CDKAL1: variants seen among roughly 807,000 people sequenced by gnomAD.
CDKAL1 encodes threonylcarbamoyladenosine tRNA methylthiotransferase.
Under a neutral mutation model 68.2 loss-of-function variants are expected in CDKAL1, and 32 were observed. That is an observed-to-expected ratio of 0.47 (90% confidence interval 0.35 to 0.63). The LOEUF is 0.63. Among genes scored for constraint, CDKAL1 ranks in the 30% least tolerant of loss-of-function variants. The pLI is 0.00. For missense variants in CDKAL1, 606 were observed against 696.7 expected, an observed-to-expected ratio of 0.87 and a Z score of 1.47; for synonymous variants, 234 against 244.3, an observed-to-expected ratio of 0.96 and a Z score of 0.39.
At chr6:20,675,513 A>G (rs1770047682) in intron 5 of CDKAL1, among the ~76,000 whole-genome samples, 1 of 152,206 alleles carries the variant, frequency 6.6e-6, no homozygotes, top group Non-Finnish European at 1.5e-5. Context: ...GACTGCATAT[A>G]TGATGGTGGT....
chr6:21,187,996 A>C (rs1456632232), intron 13 of CDKAL1, among the ~76,000 whole-genome samples: 1 of 152,186 alleles, frequency 6.6e-6, no homozygotes. Context: ...AATTAAGTGA[A>C]ACTTTTTTCA....
intron 12 of CDKAL1, among the ~76,000 whole-genome samples, chr6:21,068,587 CTGTT>C (rs2150938225): frequency 6.6e-6 from 1 of 152,210 alleles, no homozygotes; most frequent in East Asian, 1.9e-4. Flanking sequence ...TTCCTTTGGT[CTGTT>C]TGTCAGTCTT....
At chr6:20,975,677 A>G (rs1332374475) in intron 10 of CDKAL1, among the ~76,000 whole-genome samples, 7 of 152,236 alleles carry the variant, frequency 4.6e-5, no homozygotes. Context: ...CAGATATTCA[A>G]TTATACATTT....
At chr6:20,600,789 C>CATATATATCTATATATATAT (rs58795499) in intron 4 of CDKAL1, among the ~76,000 whole-genome samples, 1 of 130,480 alleles carries the variant, frequency 7.7e-6, no homozygotes, top group Non-Finnish European at 1.6e-5. Flanking sequence ...TATATATATA[C>CATATATATCTATATATATAT]ACACACACAC....
chr6:20,834,766 C>T (rs114403379), intron 8 of CDKAL1, among the ~76,000 whole-genome samples: 1 of 152,110 alleles, frequency 6.6e-6, no homozygotes, highest in Non-Finnish European at 1.5e-5. Context: ...AAGGCATTAG[C>T]TTATTGTTTG....
rs184202383 is a variant in CDKAL1, at chr6:20,815,707, G to A, written c.639-30368G>A. 5.9e-3 allele frequency among the ~76,000 whole-genome samples: 895 copies of A among 151,870 alleles called. 14 individuals are homozygous for A. Among genetic ancestry groups the A allele is most frequent in the Non-Finnish European group, 4.9e-3 (334 of 67,944 alleles). Reference sequence around the variant, plus strand: ...AAAAGGTTTAGAAAATTTGAAAAAAGCACAAATAGTTGGATAAAAATCAGC... The same window carrying A: ...AAAAGGTTTAGAAAATTTGAAAAAAACACAAATAGTTGGATAAAAATCAGC... On this transcript the variant is annotated intron_variant, in intron 8 of 15. Transcript: ENST00000274695.
chr6:20,888,187 C>T (rs954551513), intron 9 of CDKAL1, among the ~76,000 whole-genome samples: 24 of 152,038 alleles, frequency 1.6e-4, no homozygotes, highest in African/African-American at 5.3e-4. Context: ...CAGGTGTTCT[C>T]ATTGTTCAAT....
chr6:21,025,791 C>T (rs1768922217), intron 11 of CDKAL1, among the ~76,000 whole-genome samples: 1 of 152,066 alleles, frequency 6.6e-6, no homozygotes, highest in Non-Finnish European at 1.5e-5. Flanking sequence ...TCTCTGACAG[C>T]TTGCTAATTC....
At chr6:20,579,461 G>A (rs1419156043) in intron 4 of CDKAL1, among the ~76,000 whole-genome samples, 2 of 152,094 alleles carry the variant, frequency 1.3e-5, no homozygotes, top group Non-Finnish European at 2.9e-5. Context: ...TTTACATATA[G>A]CTTTTGTTTT....
At chr6:20,807,711 C>T (rs945090984) in intron 8 of CDKAL1, among the ~76,000 whole-genome samples, 5 of 152,154 alleles carry the variant, frequency 3.3e-5, no homozygotes, top group Non-Finnish European at 1.5e-5. Context: ...TTGATAGCAA[C>T]GAATATTCAT....
intron 13 of CDKAL1, among the ~76,000 whole-genome samples, chr6:21,134,867 G>A (rs1281937995): frequency 6.6e-6 from 1 of 152,084 alleles, no homozygotes; most frequent in Non-Finnish European, 1.5e-5. Context: ...GTACTTTAAT[G>A]TCCAGCTCTC....
chr6:20,859,116 T>A (rs779308636), intron 9 of CDKAL1, among the ~76,000 whole-genome samples: 22 of 152,198 alleles, frequency 1.4e-4, no homozygotes, highest in Non-Finnish European at 2.8e-4. Context: ...AATAGAAATT[T>A]GACTATTTGA....
At chr6:20,691,812 G>A (rs951212204) in intron 5 of CDKAL1, among the ~76,000 whole-genome samples, 2 of 152,046 alleles carry the variant, frequency 1.3e-5, no homozygotes, top group Non-Finnish European at 2.9e-5. Context: ...TTGGAGTTGG[G>A]TGAGAAGAAA....
chr6:20,658,281 G>T (rs1419128817), intron 5 of CDKAL1, among the ~76,000 whole-genome samples: 3 of 152,176 alleles, frequency 2.0e-5, no homozygotes, highest in Non-Finnish European at 2.9e-5. Context: ...GGGCACTGTG[G>T]TTTAGCCATA....
At chr6:20,977,872 C>A (rs138474645) in intron 10 of CDKAL1, among the ~76,000 whole-genome samples, 1 of 151,910 alleles carries the variant, frequency 6.6e-6, no homozygotes, top group African/African-American at 2.4e-5. Flanking sequence ...AGTGAGACTC[C>A]GTCTCAAAAT....
In CDKAL1 at chr6:21,065,138, A is replaced by G. The variant is rs1015437340; in HGVS notation, c.1146A>G (p.Glu382=). The change falls in exon 12 of 16, where the codon GAA becomes GAG. Residue 382 remains glutamate, a synonymous_variant. Transcript: ENST00000274695. ...TTCAAGAAACAGTGAAACTTGTTGA[A>G]GAGTACAAATTCCCAAGCCTGTTTA... ...QDFQETVKLV[E]EYKFPSLFIN... 5.0e-6 allele frequency: 8 copies of G among 1,609,214 alleles called. No homozygotes were observed. The highest frequency in any genetic ancestry group is 6.8e-6 in the Non-Finnish European group (8 of 1,178,122).
intron 9 of CDKAL1, among the ~76,000 whole-genome samples, chr6:20,903,001 C>T (rs544228629): frequency 1.3e-5 from 2 of 152,206 alleles, no homozygotes; most frequent in South Asian, 2.1e-4. Flanking sequence ...TTCATTGTAA[C>T]AGGAAGTTGC....
At chr6:21,174,065 G>A (rs956582351) in intron 13 of CDKAL1, among the ~76,000 whole-genome samples, 2 of 152,012 alleles carry the variant, frequency 1.3e-5, no homozygotes, top group African/African-American at 4.8e-5. Flanking sequence ...CAGAAAAAAA[G>A]AGAGATCCTG....
chr6:20,685,517 CT>C (rs1169022202), intron 5 of CDKAL1, among the ~76,000 whole-genome samples: 1 of 152,134 alleles, frequency 6.6e-6, no homozygotes, highest in East Asian at 1.9e-4. Flanking sequence ...TTTCTAATCA[CT>C]TTGTTGATAT....
Sources: allele counts gnomAD v4.1 joint callset (sites outside exome capture counted in the v4.1 genomes callset), GRCh38; gene constraint gnomAD v4.1.1; transcripts MANE v1.5; gene names NCBI Gene and HGNC (gene_info 2026-07-23, HGNC 2026-07-21).